The following SLC22A4 variants were observed in gnomAD, a reference collection of about 807,000 sequenced individuals.
SLC22A4 encodes the protein solute carrier family 22 member 4.
A neutral mutation model predicts 56.6 loss-of-function variants in SLC22A4; 39 were observed. The ratio of observed to expected loss-of-function variants is 0.69; its 90% CI spans 0.53 to 0.90. The LOEUF is 0.90. Among genes scored for constraint, SLC22A4 ranks in the 40% least tolerant of loss-of-function variants. SLC22A4 has a pLI of 0.00. For missense variants in SLC22A4, 594 were observed against 696.5 expected, an observed-to-expected ratio of 0.85 and a Z score of 1.66; for synonymous variants, 241 against 281.4, an observed-to-expected ratio of 0.86 and a Z score of 1.44.
chr5:132,294,859 C>T lies in SLC22A4; in HGVS notation c.243C>T (p.Cys81=), dbSNP rs1749738865. The T allele has an allele frequency of 2.5e-6, 4 of 1,608,186 alleles. No individual in the cohort carries two copies. The highest frequency in any genetic ancestry group is 1.1e-5 in the South Asian group (1 of 90,788). Residue 81 remains cysteine, a synonymous_variant, in exon 1 of 10, where the codon TGC becomes TGT. Coordinates refer to ENST00000200652, the MANE Select transcript of SLC22A4 (RefSeq NM_003059.3). This position sits in a 1 kb window ranked among gnomAD's most constrained non-coding sequence, Gnocchi z 5.6. ...LRDGREVPHS[C]SRYRLATIAN... ...ACGGCCGCGAGGTGCCCCACAGCTGCAGCCGCTACCGGCTCGCCACCATCG... is the reference window on the plus strand; with the variant it reads ...ACGGCCGCGAGGTGCCCCACAGCTGTAGCCGCTACCGGCTCGCCACCATCG...
At chr5:132,303,245 G>C (rs200215590) in intron 1 of SLC22A4, among the ~76,000 whole-genome samples, 2 of 152,160 alleles carry the variant, frequency 1.3e-5, no homozygotes, top group East Asian at 3.8e-4. Flanking sequence ...TGTGAGGAGC[G>C]CCAGCGCCAT....
intron 3 of SLC22A4, among the ~76,000 whole-genome samples, chr5:132,319,464 A>G (rs1244403333): frequency 6.6e-6 from 1 of 152,192 alleles, no homozygotes; most frequent in Admixed American, 6.5e-5. Context: ...GTAGACCAGT[A>G]TCCATAGAGC....
rs760001733 is a variant in SLC22A4 at position 132,312,281 on chromosome 5, G to T, written c.497+17G>T. 6 of 1,475,384 alleles carry T rather than the reference G, an allele frequency of 4.1e-6. No homozygotes were observed. The highest frequency in any genetic ancestry group is 5.7e-6 in the Non-Finnish European group (6 of 1,053,480). 91.4% of individuals were successfully genotyped at this position (1,475,384 alleles called of 1,614,324 possible). A position where few individuals can be genotyped will look rare whatever the true frequency, so the allele number is the denominator to read the frequency against. On this transcript the variant is annotated intron_variant, in intron 2 of 9. Coordinates refer to ENST00000200652, the MANE Select transcript of SLC22A4 (RefSeq NM_003059.3). ...GTCAGACAGGTAAGCACATGGGAGG[G>T]GAGGAAGGTGGGATGGTGCCCCTTG...
chr5:132,302,588 GCTGGTGGCTCCTGCTCAGCATTTGCAAGA>G (rs1388173948), intron 1 of SLC22A4, among the ~76,000 whole-genome samples: 2 of 152,334 alleles, frequency 1.3e-5, no homozygotes, highest in African/African-American at 4.8e-5. Flanking sequence ...ACAGTCCAAG[GCTGGTGGCTCCTGCTCAGCATTTGCAAGA>G]CTGGAGGGCA....
At chr5:132,296,342 A>G (rs1193476754) in intron 1 of SLC22A4, among the ~76,000 whole-genome samples, 3 of 152,240 alleles carry the variant, frequency 2.0e-5, no homozygotes, top group African/African-American at 7.2e-5. Flanking sequence ...GTGGCCTTCT[A>G]TGTATACTGA....
intron 6 of SLC22A4, among the ~76,000 whole-genome samples, chr5:132,333,612 T>A (rs1455334575): frequency 1.3e-5 from 2 of 152,064 alleles, no homozygotes; most frequent in Non-Finnish European, 2.9e-5. Flanking sequence ...CATAGTTAGA[T>A]GAATTTGCCC....
intron 3 of SLC22A4, among the ~76,000 whole-genome samples, chr5:132,317,397 G>A (rs1278533298): frequency 6.6e-6 from 1 of 152,136 alleles, no homozygotes; most frequent in African/African-American, 2.4e-5. Flanking sequence ...TGCCTTTAAT[G>A]GATTTCCCTA....
chr5:132,306,384 AATATATATATATATATATATATATAT>A (rs55779142), intron 1 of SLC22A4, among the ~76,000 whole-genome samples: 352 of 30,610 alleles, frequency 0.011, 13 homozygotes, highest in African/African-American at 0.023. Flanking sequence ...CAAACCGTGA[AATATATATATATATATATATATATAT>A]ATATATATAT....
chr5:132,321,525 T>C (rs1053547747), intron 3 of SLC22A4, among the ~76,000 whole-genome samples: 1 of 152,208 alleles, frequency 6.6e-6, no homozygotes, highest in Non-Finnish European at 1.5e-5. Flanking sequence ...CTGCTTCTCA[T>C]GTTGGGGCTC....
intron 5 of SLC22A4, among the ~76,000 whole-genome samples, chr5:132,331,385 A>G (rs1254741461): frequency 6.6e-6 from 1 of 152,130 alleles, no homozygotes; most frequent in Non-Finnish European, 1.5e-5. Context: ...CGTGGCCTCA[A>G]GGAAGGGACT....
In SLC22A4 at chr5:132,340,596, C is replaced by T. The variant is rs566960067; in HGVS notation, c.1476C>T (p.Val492=). ...ACAACAGAATGCTGCCCTACATCGT[C>T]ATGGGTAGTCTGACTGTCCTGATTG... The part of the protein sequence containing the change: ...GAYNRMLPYI[V]MGSLTVLIGI... The change falls in exon 9 of 10, where the codon GTC becomes GTT. Residue 492 remains valine, a synonymous_variant. Coordinates refer to ENST00000200652, the MANE Select transcript of SLC22A4 (RefSeq NM_003059.3). 1 of 1,613,978 alleles carries T rather than the reference C, an allele frequency of 6.2e-7. No homozygotes were observed. Among genetic ancestry groups the T allele is most frequent in the East Asian group, 2.2e-5 (1 of 44,880 alleles).
chr5:132,319,747 C>G (rs1183401320), intron 3 of SLC22A4, among the ~76,000 whole-genome samples: 1 of 152,146 alleles, frequency 6.6e-6, no homozygotes, highest in African/African-American at 2.4e-5. Context: ...TGCCTGCCAC[C>G]ATGCCTGGCT....
intron 1 of SLC22A4, among the ~76,000 whole-genome samples, chr5:132,302,690 C>T (rs536895074): frequency 6.6e-6 from 1 of 152,206 alleles, no homozygotes; most frequent in South Asian, 2.1e-4. Context: ...GACACGATGC[C>T]ATTTGCTCAT....
At chr5:132,314,552 C>T (rs2073839) in intron 3 of SLC22A4, among the ~76,000 whole-genome samples, 10,946 of 152,238 alleles carry the variant, frequency 0.072, 533 homozygotes, top group East Asian at 0.27. Flanking sequence ...TTCCCATCAT[C>T]TCTAGGGTGA....
At chr5:132,342,274 A>G (rs1751242265) in intron 9 of SLC22A4, among the ~76,000 whole-genome samples, 1 of 152,232 alleles carries the variant, frequency 6.6e-6, no homozygotes, top group African/African-American at 2.4e-5. Context: ...GAAAAAGACA[A>G]ACAATTCAGT....
At chr5:132,342,611 A>C (rs574374230) in intron 9 of SLC22A4, among the ~76,000 whole-genome samples, 6 of 152,334 alleles carry the variant, frequency 3.9e-5, no homozygotes, top group African/African-American at 1.4e-4. Flanking sequence ...CAGGTTACCC[A>C]CATTTCTCTC....
chr5:132,327,139 T>A, intron 4 of SLC22A4, 138 bp from the exon 5 acceptor site: 1 of 655,112 alleles, frequency 1.5e-6, no homozygotes, highest in South Asian at 2.2e-5. Flanking sequence ...TATGCTCCAA[T>A]AGAAATCTTA....
chr5:132,334,779 G>A lies in SLC22A4; in HGVS notation c.1108G>A (p.Ala370Thr). 6.2e-7 allele frequency: 1 copy of A among 1,614,086 alleles called. No homozygotes were observed. Among genetic ancestry groups the A allele is most frequent in the South Asian group, 1.1e-5 (1 of 91,076 alleles). The change falls in exon 7 of 10, where the codon GCC becomes ACC. Residue 370 changes from alanine to threonine, a missense_variant. By Grantham distance (58) the Ala-to-Thr change is moderately conservative (BLOSUM62 0). Coordinates refer to ENST00000200652, the MANE Select transcript of SLC22A4 (RefSeq NM_003059.3). ...GGATGCTCCTAATTTACATGGAGAT[G>A]CCTACCTGAACTGTTTCCTCTCTGC... ...SLDAPNLHGD[A>T]YLNCFLSALI... is the part of the protein sequence containing the mutation.
chr5:132,341,029 A>C (rs1302149371), intron 9 of SLC22A4, among the ~76,000 whole-genome samples: 5 of 74,356 alleles, frequency 6.7e-5, no homozygotes, highest in Admixed American at 1.3e-4. Flanking sequence ...AGGCAGGAGA[A>C]CTGCTTGACC....
Sources: gnomAD v4.1 joint callset for allele counts (sites outside exome capture counted in the v4.1 genomes callset) on GRCh38, gnomAD v4.1.1 for gene constraint, Gnocchi (gnomAD v3.1) non-coding constraint, MANE v1.5 for transcripts, NCBI Gene and HGNC (gene_info 2026-07-23, HGNC 2026-07-21) for gene names.